Variants in RPS6KA5 observed in about 807,000 individuals in gnomAD.
The protein encoded by RPS6KA5 is ribosomal protein S6 kinase alpha-5.
A neutral mutation model predicts 85.5 loss-of-function variants in RPS6KA5; 27 were observed. The ratio of observed to expected loss-of-function variants is 0.32; its 90% CI spans 0.23 to 0.44. The LOEUF (loss-of-function observed/expected upper bound fraction) is 0.44. Among genes scored for constraint, RPS6KA5 ranks in the 20% least tolerant of loss-of-function variants. The pLI is 1.00. For synonymous variants in RPS6KA5, 334 were observed against 348.2 expected, an observed-to-expected ratio of 0.96 and a Z score of 0.46; for missense variants, 811 against 980.9, an observed-to-expected ratio of 0.83 and a Z score of 2.31.
At position 90,853,643 on chromosome 14, in the gene RPS6KA5, G is replaced by C. The variant is rs1406323398; in HGVS notation, c.*18431C>G. ...GTTCGAGACCAGCCTGACCAACATG[G>C]TGAAACCCCATCTCTACTAAAAATA... On this transcript the variant is annotated 3_prime_UTR_variant, in exon 17 of 17. Transcript: ENST00000614987. 2 of 132,966 alleles carry C rather than the reference G, an allele frequency of 1.5e-5. No homozygotes were observed. Among genetic ancestry groups the C allele is most frequent in the Non-Finnish European group, 3.2e-5 (2 of 63,128 alleles). The allele number at this position is 132,966 out of a possible 1,614,324, so 8.2% of individuals were successfully genotyped here.
At chr14:91,034,823 C>T (rs895825820) in intron 1 of RPS6KA5, among the ~76,000 whole-genome samples, 1 of 152,166 alleles carries the variant, frequency 6.6e-6, no homozygotes, top group Non-Finnish European at 1.5e-5. Flanking sequence ...CAAGAACCCA[C>T]CAGCAGGAAT....
chr14:90,903,811 TAAG>T (rs1192225124), intron 8 of RPS6KA5, among the ~76,000 whole-genome samples: 2 of 152,312 alleles, frequency 1.3e-5, no homozygotes, highest in African/African-American at 4.8e-5. Context: ...TATGTATCAT[TAAG>T]AAGAAAAAAG....
rs1343615576 is a variant in RPS6KA5, at chr14:90,855,434, AT to A, written c.*16639del. Reference sequence around the variant, plus strand: ...CAAACAAAGGCCTGGTACTTACATTATTTTTTATTTTTTATTTTTTTGAGAC... The same window carrying A: ...CAAACAAAGGCCTGGTACTTACATTATTTTTATTTTTTATTTTTTTGAGAC... On this transcript the variant is annotated 3_prime_UTR_variant, in exon 17 of 17. Coordinates refer to ENST00000614987, the MANE Select transcript of RPS6KA5 (RefSeq NM_004755.4). 1 of 96,684 alleles carries A rather than the reference AT, an allele frequency of 1.0e-5. No individual in the cohort carries two copies. Among genetic ancestry groups the A allele is most frequent in the African/African-American group, 2.9e-5 (1 of 33,936 alleles). 6.0% of individuals were successfully genotyped at this position (96,684 alleles called of 1,614,324 possible).
intron 2 of RPS6KA5, among the ~76,000 whole-genome samples, chr14:90,993,425 G>A (rs2040388982): frequency 6.6e-6 from 1 of 152,020 alleles, no homozygotes; most frequent in Non-Finnish European, 1.5e-5. Context: ...GGGTGACAGA[G>A]CAAGACTCCG....
chr14:91,048,099 G>A (rs2042943989), intron 1 of RPS6KA5, among the ~76,000 whole-genome samples: 1 of 152,116 alleles, frequency 6.6e-6, no homozygotes, highest in African/African-American at 2.4e-5. Context: ...TAGGATGTGG[G>A]TATCTTGGGG....
chr14:90,961,900 C>T (rs1433484110), intron 3 of RPS6KA5, among the ~76,000 whole-genome samples: 1 of 152,152 alleles, frequency 6.6e-6, no homozygotes, highest in South Asian at 2.1e-4. Flanking sequence ...TTTAACCCAC[C>T]TGGCTGTTAA....
At position 90,943,271 on chromosome 14, in the gene RPS6KA5, AT is replaced by A. The variant is rs71117390; in HGVS notation, c.511-87del. On this transcript the variant is annotated intron_variant, in intron 4 of 16. Transcript: ENST00000614987. ...CTTTCTCGTCTACCTTTATTTATTT[AT>A]TTTTTTTTTTAAGGCATTTCCCTCC... 5.9e-3 allele frequency: 3,296 copies of A among 559,990 alleles called. 5 individuals carry two copies. The highest frequency in any genetic ancestry group is 6.6e-3 in the Non-Finnish European group (2,229 of 335,850). 34.7% of individuals were successfully genotyped at this position (559,990 alleles called of 1,614,324 possible).
rs189323369 is a variant in RPS6KA5 at position 90,897,014 on chromosome 14, C to T, written c.1473+2315G>A. Among the ~76,000 whole-genome samples, 1,195 of 152,260 alleles carry T rather than the reference C, an allele frequency of 7.8e-3. 15 individuals are homozygous for T. Among genetic ancestry groups the T allele is most frequent in the Non-Finnish European group, 0.011 (767 of 68,016 alleles). Reference sequence around the variant, plus strand: ...CTGGAATTACAGGCATGAGCCAGGTCCGCAACTTTTTTGGCACCAGGAAAT... The same window carrying T: ...CTGGAATTACAGGCATGAGCCAGGTTCGCAACTTTTTTGGCACCAGGAAAT... On this transcript the variant is annotated intron_variant, in intron 12 of 16. Coordinates refer to ENST00000614987, the MANE Select transcript of RPS6KA5 (RefSeq NM_004755.4).
intron 9 of RPS6KA5, among the ~76,000 whole-genome samples, chr14:90,901,629 A>G (rs986130450): frequency 1.2e-4 from 19 of 152,232 alleles, no homozygotes; most frequent in African/African-American, 2.4e-5. Flanking sequence ...AAAATGTTCA[A>G]TAAGTGCCCA....
chr14:90,998,293 A>T (rs2040622998), intron 2 of RPS6KA5, among the ~76,000 whole-genome samples: 1 of 152,212 alleles, frequency 6.6e-6, no homozygotes, highest in African/African-American at 2.4e-5. Flanking sequence ...ACTGTTATAA[A>T]ATTGCTGCAC....
chr14:90,882,549 C>T (rs2033908590), intron 14 of RPS6KA5, among the ~76,000 whole-genome samples: 1 of 152,214 alleles, frequency 6.6e-6, no homozygotes, highest in Non-Finnish European at 1.5e-5. Context: ...GCATTTCTTA[C>T]AGAGCGGCGT....
intron 1 of RPS6KA5, among the ~76,000 whole-genome samples, chr14:91,044,337 GACAAAGAA>G (rs2042735413): frequency 1.5e-5 from 1 of 64,992 alleles, no homozygotes; most frequent in South Asian, 6.2e-4. Context: ...GAGAAAGATA[GACAAAGAA>G]AGAAAGAAAG....
intron 14 of RPS6KA5, among the ~76,000 whole-genome samples, chr14:90,886,068 CT>C (rs773928065): frequency 1.3e-5 from 2 of 151,736 alleles, no homozygotes; most frequent in Non-Finnish European, 2.9e-5. Flanking sequence ...ATAGCTCTAT[CT>C]CTACATAAAG....
Position 91,060,623 on chromosome 14 carries a change from C to G in RPS6KA5, c.-189G>C, listed in dbSNP as rs1366694307. 1.0e-5 allele frequency: 8 copies of G among 771,772 alleles called. No homozygotes were observed. The highest frequency in any genetic ancestry group is 1.4e-5 in the Non-Finnish European group (8 of 568,760). 47.8% of individuals were successfully genotyped at this position (771,772 alleles called of 1,614,324 possible). A position where few individuals can be genotyped will look rare whatever the true frequency, so the allele number is the denominator to read the frequency against. On this transcript the variant is annotated 5_prime_UTR_variant, in exon 1 of 17. Coordinates refer to ENST00000614987, the MANE Select transcript of RPS6KA5 (RefSeq NM_004755.4). The stretch of plus-strand genomic sequence containing the variant: ...CGCTCCTCGCCTCCTCCCCCTTCGG[C>G]GGGCACCGCTAGTACCGCGCAACCA...
chr14:90,969,456 G>A (rs1310026309), intron 3 of RPS6KA5, among the ~76,000 whole-genome samples: 2 of 152,108 alleles, frequency 1.3e-5, no homozygotes, highest in Admixed American at 6.6e-5. Context: ...GGTTACATAA[G>A]CTTTAAAGTA....
intron 3 of RPS6KA5, among the ~76,000 whole-genome samples, chr14:90,952,480 T>C (rs2038251101): frequency 6.6e-6 from 1 of 152,218 alleles, no homozygotes; most frequent in Admixed American, 6.5e-5. Context: ...TGGGCCTAAT[T>C]ACAGTCATTA....
At chr14:90,937,766 C>T (rs2037348355) in intron 5 of RPS6KA5, among the ~76,000 whole-genome samples, 1 of 152,114 alleles carries the variant, frequency 6.6e-6, no homozygotes, top group African/African-American at 2.4e-5. Flanking sequence ...TCAGATCTTG[C>T]AAGACTTACT....
intron 1 of RPS6KA5, among the ~76,000 whole-genome samples, chr14:91,032,560 TGGTGCTGC>T (rs2042226536): frequency 6.6e-6 from 1 of 152,114 alleles, no homozygotes. Flanking sequence ...AGCCAAAATG[TGGTGCTGC>T]ATGAATTCCA....
At chr14:91,046,312 T>C (rs74469373) in intron 1 of RPS6KA5, among the ~76,000 whole-genome samples, 2,020 of 152,300 alleles carry the variant, frequency 0.013, 44 homozygotes, top group African/African-American at 0.046. Flanking sequence ...GCCCAACTTA[T>C]ACAAGACAAA....
Sources: gnomAD v4.1 joint callset for allele counts (sites outside exome capture counted in the v4.1 genomes callset) on GRCh38, gnomAD v4.1.1 for gene constraint, MANE v1.5 for transcripts, NCBI Gene and HGNC (gene_info 2026-07-23, HGNC 2026-07-21) for gene names.